Variants in TPTE observed in about 807,000 individuals in gnomAD.
TPTE encodes the protein putative tyrosine-protein phosphatase TPTE.
A neutral mutation model predicts 84.1 loss-of-function variants in TPTE; 59 were observed. The observed-to-expected ratio is 0.70, with a 90% CI of 0.57 to 0.87. The LOEUF (loss-of-function observed/expected upper bound fraction) is 0.87. Among genes scored for constraint, TPTE ranks in the 40% least tolerant of loss-of-function variants. The pLI is 0.00. For missense variants in TPTE, 382 were observed against 659.6 expected, an observed-to-expected ratio of 0.58 and a Z score of 4.61; for synonymous variants, 130 against 223.5, an observed-to-expected ratio of 0.58 and a Z score of 3.73.
chr21:10,539,914 C>G (rs2074336711), intron 4 of TPTE, among the ~76,000 whole-genome samples: 1 of 152,308 alleles, frequency 6.6e-6, no homozygotes. Flanking sequence ...GAGGCTGAGG[C>G]AGGAGAATTG....
chr21:10,578,886 T>C (rs538195964), intron 17 of TPTE, among the ~76,000 whole-genome samples: 126 of 152,050 alleles, frequency 8.3e-4, no homozygotes, highest in African/African-American at 3.0e-3. Flanking sequence ...TCTTTATTTT[T>C]GGTTTGCTAG....
chr21:10,539,045 T>A (rs1482545212), intron 4 of TPTE, among the ~76,000 whole-genome samples: 2 of 152,300 alleles, frequency 1.3e-5, no homozygotes. Flanking sequence ...TCTAACGGAG[T>A]GATATAAAAA....
chr21:10,576,807 TG>T (rs2075160566), intron 14 of TPTE, among the ~76,000 whole-genome samples: 1 of 115,282 alleles, frequency 8.7e-6, no homozygotes, highest in Non-Finnish European at 1.6e-5. Flanking sequence ...AACTACTATT[TG>T]TTTTTCATTT....
At chr21:10,592,447 T>G (rs2075498920) in intron 19 of TPTE, 74 bp downstream of exon 19, 2 of 1,565,414 alleles carry the variant, frequency 1.3e-6, no homozygotes, top group Non-Finnish European at 1.8e-6. Context: ...TTTGGTTTCA[T>G]TTTAGACTCC....
intron 17 of TPTE, among the ~76,000 whole-genome samples, chr21:10,586,768 C>T (rs1181878201): frequency 6.6e-6 from 1 of 152,422 alleles, no homozygotes; most frequent in African/African-American, 2.4e-5. Context: ...GAGCCTGCAT[C>T]TAGAAATCTT....
Position 10,522,034 on chromosome 21 carries a change from C to G in TPTE, c.-211+340C>G, listed in dbSNP as rs1287709304. 1.3e-4 allele frequency among the ~76,000 whole-genome samples: 20 copies of G among 152,294 alleles called. No homozygotes were observed. The South Asian group carries it at 1.7e-3, about 13-fold the overall frequency. On this transcript the variant is annotated intron_variant, in intron 1 of 23. Coordinates refer to ENST00000618007, the MANE Select transcript of TPTE (RefSeq NM_199261.4). Reference sequence around the variant, plus strand: ...CCGCGTGAGGAAATGGCCTAGGAGCCGGAGCCGCAGGTAAAGGGGGCGCGC... The same window carrying G: ...CCGCGTGAGGAAATGGCCTAGGAGCGGGAGCCGCAGGTAAAGGGGGCGCGC...
At chr21:10,573,670 CCTCT>C (rs1240172157) in intron 14 of TPTE, among the ~76,000 whole-genome samples, 2 of 152,310 alleles carry the variant, frequency 1.3e-5, no homozygotes, top group Non-Finnish European at 2.9e-5. Context: ...TTGAGATATC[CCTCT>C]CTACCTTATA....
chr21:10,595,796 A>AT (rs553079801), intron 19 of TPTE, among the ~76,000 whole-genome samples, 186 bp from the exon 20 acceptor site: 52 of 152,330 alleles, frequency 3.4e-4, no homozygotes, highest in African/African-American at 1.1e-3. Flanking sequence ...TGAATTCAGT[A>AT]TTTTTCCCTC....
chr21:10,569,554 G>A lies in TPTE; in HGVS notation c.666+18G>A. 2 of 1,613,774 alleles carry A rather than the reference G, an allele frequency of 1.2e-6. No homozygotes were observed. The highest frequency in any genetic ancestry group is 1.7e-6 in the Non-Finnish European group (2 of 1,179,794). ...GAAGGCGGGTAAGTGGGCAAAACAT[G>A]CTTATGATTCACAAAAATATTTTGT... On this transcript the variant is annotated intron_variant, in intron 12 of 23. Coordinates refer to ENST00000618007, the MANE Select transcript of TPTE (RefSeq NM_199261.4).
chr21:10,559,017 G>A (rs1413926365), intron 8 of TPTE, among the ~76,000 whole-genome samples: 1 of 152,310 alleles, frequency 6.6e-6, no homozygotes, highest in Non-Finnish European at 1.5e-5. Flanking sequence ...TGTTCACTAG[G>A]TGTCTAGTTC....
rs1269728762 is a variant in TPTE, at chr21:10,560,384, T to G, written c.285-646T>G. On this transcript the variant is annotated intron_variant, in intron 9 of 23. Coordinates refer to ENST00000618007, the MANE Select transcript of TPTE (RefSeq NM_199261.4). ...GAGCTGCAAGTTTTTAAAAAAGTAC[T>G]TCAAAGACTAATTCACCTTTATAGA... Among the ~76,000 whole-genome samples the G allele has an allele frequency of 6.6e-5, 10 of 152,302 alleles. No individual in the cohort carries two copies. In the South Asian group the frequency reaches 1.7e-3, roughly 25 times the overall value.
intron 3 of TPTE, among the ~76,000 whole-genome samples, chr21:10,529,257 A>T (rs1334950436): frequency 6.6e-6 from 1 of 152,296 alleles, no homozygotes; most frequent in African/African-American, 2.4e-5. Flanking sequence ...TTTACTAAGC[A>T]TGTGTGATAT....
intron 7 of TPTE, among the ~76,000 whole-genome samples, chr21:10,549,375 C>A (rs1356905252): frequency 1.3e-5 from 2 of 152,298 alleles, no homozygotes; most frequent in East Asian, 3.8e-4. Flanking sequence ...AGAACCTAAT[C>A]ATAAACATAT....
intron 3 of TPTE, among the ~76,000 whole-genome samples, chr21:10,537,418 C>G (rs1359741641): frequency 1.3e-5 from 2 of 152,304 alleles, no homozygotes; most frequent in African/African-American, 4.8e-5. Context: ...GTGGCTCACG[C>G]CTGTAATCCC....
intron 8 of TPTE, among the ~76,000 whole-genome samples, chr21:10,559,120 A>G (rs1342896516): frequency 1.3e-5 from 2 of 152,312 alleles, no homozygotes; most frequent in African/African-American, 4.8e-5. Flanking sequence ...CCAAAGTTTG[A>G]TGATTTGCCC....
intron 20 of TPTE, among the ~76,000 whole-genome samples, 182 bp from the exon 21 acceptor site, chr21:10,597,833 C>T (rs1428804244): frequency 6.6e-6 from 1 of 152,310 alleles, no homozygotes. Flanking sequence ...CTTTAGGAGA[C>T]AGAACTGGGC....
At chr21:10,580,088 C>T (rs1338665352) in intron 17 of TPTE, among the ~76,000 whole-genome samples, 72 of 152,080 alleles carry the variant, frequency 4.7e-4, no homozygotes, top group African/African-American at 1.6e-3. Context: ...TTTTAATTTG[C>T]TTTTCCCTGA....
chr21:10,575,635 C>T (rs1207121289), intron 14 of TPTE, among the ~76,000 whole-genome samples: 10 of 152,308 alleles, frequency 6.6e-5, no homozygotes, highest in Non-Finnish European at 1.0e-4. Flanking sequence ...TCAGTATCCC[C>T]CTGGGATGGA....
At chr21:10,565,911 G>C (rs2074911211) in intron 10 of TPTE, among the ~76,000 whole-genome samples, 1 of 152,306 alleles carries the variant, frequency 6.6e-6, no homozygotes, top group Admixed American at 6.5e-5. Context: ...TATACTACAA[G>C]AGAACATTGG....
Sources: gnomAD v4.1 joint callset for allele counts (sites outside exome capture counted in the v4.1 genomes callset) on GRCh38, gnomAD v4.1.1 for gene constraint, MANE v1.5 for transcripts, NCBI Gene and HGNC (gene_info 2026-07-23, HGNC 2026-07-21) for gene names.